Variants in SART3 observed in about 807,000 individuals in gnomAD.
The protein encoded by SART3 is HIV-1 Tat-interacting protein of 110kDa.
Under a neutral mutation model 122.3 loss-of-function variants are expected in SART3, and 44 were observed. That is an observed-to-expected ratio of 0.36 (90% CI 0.28 to 0.46). The LOEUF is 0.46. Among genes scored for constraint, SART3 ranks in the 20% least tolerant of loss-of-function variants. SART3 has a pLI of 1.00. For synonymous variants in SART3, 442 were observed against 454.0 expected (o/e 0.97, Z 0.34); for missense variants, 1,101 against 1,229.0 (o/e 0.90, Z 1.56).
At chr12:108,559,039 G>GAAAAAAAAAAAAAA (rs747479698) in intron 1 of SART3, among the ~76,000 whole-genome samples, 1 of 103,920 alleles carries the variant, frequency 9.6e-6, no homozygotes, top group Non-Finnish European at 1.8e-5. Context: ...TCTCAAAAAA[G>GAAAAAAAAAAAAAA]AAAAAAAAAA....
intron 6 of SART3, among the ~76,000 whole-genome samples, chr12:108,540,077 C>G (rs1873089144): frequency 6.6e-6 from 1 of 151,956 alleles, no homozygotes; most frequent in African/African-American, 2.4e-5. Flanking sequence ...GTCAAGAAGC[C>G]CAAAAAACTT....
Position 108,547,963 on chromosome 12 carries a change from C to T in SART3, c.468G>A (p.Glu156=). The T allele has an allele frequency of 6.2e-7, 1 of 1,613,598 alleles. No individual in the cohort carries two copies. Among genetic ancestry groups the T allele is most frequent in the South Asian group, 1.1e-5 (1 of 91,078 alleles). ...EELWLEWLHD[E]ISMAQDGLDR... ...CCAGGCCATCCTGGGCCATGCTGAT[C>T]TCGTCATGCAGCCACTCCAGCCAGA... Residue 156 remains glutamate (E), a synonymous_variant, in exon 3 of 19, where the codon GAG becomes GAA. Transcript: ENST00000546815.
chr12:108,559,044 A>AAAG (rs1555206893), intron 1 of SART3, among the ~76,000 whole-genome samples: 7 of 145,434 alleles, frequency 4.8e-5, no homozygotes, highest in Admixed American at 6.7e-5. Context: ...AAAAAGAAAA[A>AAAG]AAAAAAAAAA....
chr12:108,525,316 A>C lies in SART3; in HGVS notation c.2523+141T>G, dbSNP rs554848710. ...TCCAAATATAAGTAGAGCTAAGTGC[A>C]GATCTTTCTGTGAAATTAACTTTTG... is the stretch of plus-strand genomic sequence containing the variant. On this transcript the variant is annotated intron_variant, in intron 17 of 18. Coordinates refer to ENST00000546815, the MANE Select transcript of SART3 (RefSeq NM_014706.4). 10 of 826,196 alleles carry C rather than the reference A, an allele frequency of 1.2e-5. No homozygotes were observed. The African/African-American group carries it at 1.5e-4, about 13-fold the overall frequency. 51.2% of individuals were successfully genotyped at this position (826,196 alleles called of 1,614,324 possible).
At chr12:108,559,039 G>GAAAAAAA (rs747479698) in intron 1 of SART3, among the ~76,000 whole-genome samples, 9 of 103,942 alleles carry the variant, frequency 8.7e-5, no homozygotes, top group South Asian at 3.2e-4. Context: ...TCTCAAAAAA[G>GAAAAAAA]AAAAAAAAAA....
At position 108,542,680 on chromosome 12, in the gene SART3, CA is replaced by C. The variant is rs1407015723; in HGVS notation, c.906+347del. 2.9e-5 allele frequency: 10 copies of C among 349,160 alleles called. No homozygotes were observed. The Admixed American group carries it at 3.5e-4, about 12-fold the overall frequency. The allele number at this position is 349,160 out of a possible 1,614,324, so 21.6% of individuals were successfully genotyped here. On this transcript the variant is annotated intron_variant, in intron 6 of 18. Coordinates refer to ENST00000546815, the MANE Select transcript of SART3 (RefSeq NM_014706.4). ...AAGTTCAAAAGCAAGCAAAATTAAA[CA>C]ATATATTAATTAAGGATACTTTCAT...
intron 12 of SART3, chr12:108,532,546 C>T (rs547749232): frequency 5.8e-6 from 3 of 516,808 alleles, no homozygotes; most frequent in Non-Finnish European, 1.1e-5. Flanking sequence ...TCTCCCTCAG[C>T]CATGTAGGGG....
intron 11 of SART3, 84 bp from the exon 12 acceptor site, chr12:108,535,552 A>G (rs1412486407): frequency 9.1e-7 from 1 of 1,100,108 alleles, no homozygotes; most frequent in African/African-American, 1.5e-5. Context: ...ACAGACACAC[A>G]TAAAAAGCAC....
In SART3 at chr12:108,536,769, C is replaced by T; in HGVS notation, c.1326G>A (p.Leu442=). ...GAGTAAAGGCGGCCCTCAACTCCTC[C>T]AGCTCTTTACTGGAGTCTAACGGAA... The part of the protein sequence containing the change: ...VDFKQDSSKE[L]EELRAAFTRA... Residue 442 remains leucine (L), a synonymous_variant, in exon 10 of 19, where the codon CTG becomes CTA. Transcript: ENST00000546815. 1.2e-6 allele frequency: 2 copies of T among 1,613,828 alleles called. No homozygotes were observed. The highest frequency in any genetic ancestry group is 2.2e-5 in the South Asian group (2 of 91,066).
chr12:108,526,528 G>C lies in SART3; in HGVS notation c.1941C>G (p.Val647=), dbSNP rs753576153. 2.5e-6 allele frequency: 4 copies of C among 1,613,894 alleles called. No homozygotes were observed. Among genetic ancestry groups the C allele is most frequent in the African/African-American group, 1.3e-5 (1 of 75,024 alleles). Residue 647 remains valine, a synonymous_variant, in exon 16 of 19, where the codon GTC becomes GTG. Coordinates refer to ENST00000546815, the MANE Select transcript of SART3 (RefSeq NM_014706.4). ...CTCCAGCTGCAGGGATGCTGTTCTCGACCCTTCTGCGTTTGGAAGGCTGCT... is the reference window on the plus strand; with the variant it reads ...CTCCAGCTGCAGGGATGCTGTTCTCCACCCTTCTGCGTTTGGAAGGCTGCT... ...EEEQPSKRRR[V]ENSIPAAGET... is the part of the protein sequence containing the mutation.
intron 13 of SART3, 70 bp from the exon 14 acceptor site, chr12:108,531,350 T>C (rs1872671067): frequency 8.1e-7 from 1 of 1,238,548 alleles, no homozygotes; most frequent in South Asian, 1.2e-5. Context: ...AAATTTTTCT[T>C]AATTTCTCTG....
chr12:108,557,495 AAAC>A (rs1224473384), intron 1 of SART3, among the ~76,000 whole-genome samples: 1 of 152,228 alleles, frequency 6.6e-6, no homozygotes, highest in African/African-American at 2.4e-5. Flanking sequence ...GATGGAAAGA[AAAC>A]AACTGGTGCA....
intron 15 of SART3, among the ~76,000 whole-genome samples, chr12:108,527,445 A>G (rs1198750792): frequency 6.6e-6 from 1 of 152,098 alleles, no homozygotes; most frequent in Admixed American, 6.5e-5. Flanking sequence ...CTTCCCCCAC[A>G]GTCTTCCTGG....
At chr12:108,532,120 G>C in intron 13 of SART3, 102 bp downstream of exon 13, 1 of 953,580 alleles carries the variant, frequency 1.0e-6, no homozygotes, top group Non-Finnish European at 1.7e-6. Flanking sequence ...TAAGGTGGCA[G>C]CATAAACACA....
chr12:108,528,149 G>A (rs1234161529), intron 15 of SART3, among the ~76,000 whole-genome samples: 2 of 152,164 alleles, frequency 1.3e-5, no homozygotes, highest in African/African-American at 4.8e-5. Flanking sequence ...AAGGGTGAAA[G>A]AAACACTGCT....
intron 3 of SART3, among the ~76,000 whole-genome samples, chr12:108,546,224 C>A (rs1873410574): frequency 6.6e-6 from 1 of 152,174 alleles, no homozygotes; most frequent in East Asian, 1.9e-4. Context: ...TGTTGAGACA[C>A]AGTCTCGTTC....
At chr12:108,560,688 T>C (rs1374313097) in intron 1 of SART3, 155 bp downstream of exon 1, 6 of 611,370 alleles carry the variant, frequency 9.8e-6, no homozygotes, top group South Asian at 8.9e-5. Flanking sequence ...GGGCAGGCAG[T>C]AAGCACTCAA....
Position 108,526,405 on chromosome 12 carries a change from C to T in SART3, c.2064G>A (p.Leu688=). The T allele has an allele frequency of 6.2e-7, 1 of 1,614,126 alleles. No individual in the cohort carries two copies. Among genetic ancestry groups the T allele is most frequent in the East Asian group, 2.2e-5 (1 of 44,874 alleles). ...PSKQKEKAAS[L]KRDMPKVLHD... is the part of the protein sequence containing the mutation. The stretch of plus-strand genomic sequence containing the variant: ...GCAGCACCTTGGGCATGTCCCTCTT[C>T]AGGGAGGCTGCCTTCTCCTTCTGCT... Residue 688 remains leucine (L), a synonymous_variant, in exon 16 of 19, where the codon CTG becomes CTA. Transcript: ENST00000546815.
rs1163907287 is a variant in SART3, at chr12:108,522,410, A to T, written c.*1047T>A. Among the ~76,000 whole-genome samples, 1 of 152,264 alleles carries T rather than the reference A, an allele frequency of 6.6e-6. No homozygotes were observed. The highest frequency in any genetic ancestry group is 1.5e-5 in the Non-Finnish European group (1 of 68,040). ...GTCTTTCTCCAGAGTGTCTTAATAA[A>T]GCAAGCTTCCCCTACTGAACTGGCC... is the stretch of plus-strand genomic sequence containing the variant. On this transcript the variant is annotated 3_prime_UTR_variant, in exon 19 of 19. Coordinates refer to ENST00000546815, the MANE Select transcript of SART3 (RefSeq NM_014706.4).
Sources: gnomAD v4.1 joint callset for allele counts (sites outside exome capture counted in the v4.1 genomes callset) on GRCh38, gnomAD v4.1.1 for gene constraint, MANE v1.5 for transcripts, NCBI Gene and HGNC (gene_info 2026-07-23, HGNC 2026-07-21) for gene names.